The following COPB1 variants were observed in gnomAD, a reference collection of about 807,000 sequenced individuals.
The protein encoded by COPB1 is coatomer subunit beta.
COPB1 carries 21 observed loss-of-function variants against 108.7 expected under a neutral mutation model. The observed-to-expected ratio is 0.19, with a 90% confidence interval of 0.14 to 0.28. The LOEUF is 0.28. Among genes scored for constraint, COPB1 ranks in the 10% least tolerant of loss-of-function variants. The probability of loss-of-function intolerance (pLI) is 1.00; values close to 1 mark genes in which losing one functional copy is unlikely to be tolerated. For missense variants in COPB1, 919 were observed against 1,141.3 expected, an observed-to-expected ratio of 0.81 and a Z score of 2.81; for synonymous variants, 378 against 386.8, an observed-to-expected ratio of 0.98 and a Z score of 0.27.
At chr11:14,479,108 T>TGG (rs1850599592) in intron 11 of COPB1, among the ~76,000 whole-genome samples, 1 of 152,070 alleles carries the variant, frequency 6.6e-6, no homozygotes, top group African/African-American at 2.4e-5. Context: ...TCCTGAGACA[T>TGG]ATTTCAAGTC....
At chr11:14,462,445 G>T (rs974556275) in intron 18 of COPB1, among the ~76,000 whole-genome samples, 39 of 152,158 alleles carry the variant, frequency 2.6e-4, no homozygotes, top group African/African-American at 8.7e-4. Context: ...TCTTGGCCAG[G>T]CTGGTCTTGA....
chr11:14,490,664 A>T lies in COPB1; in HGVS notation c.507T>A (p.Leu169=), dbSNP rs1232389082. Residue 169 remains leucine (L), a synonymous_variant, in exon 5 of 22, where the codon CTT becomes CTA. Transcript: ENST00000439561. ...GTATCAGTTCAGGAGCATCAGGTAT[A>T]AGATGTTCAAAATTTCTTTAAATAA... The part of the protein sequence containing the change: ...IYTIYRNFEH[L]IPDAPELIHD... The T allele has an allele frequency of 6.2e-7, 1 of 1,600,752 alleles. No homozygotes were observed. Among genetic ancestry groups the T allele is most frequent in the Non-Finnish European group, 8.5e-7 (1 of 1,174,400 alleles).
chr11:14,486,234 A>G, intron 7 of COPB1, 133 bp downstream of exon 7: 2 of 1,069,208 alleles, frequency 1.9e-6, no homozygotes, highest in Non-Finnish European at 2.7e-6. Flanking sequence ...GTAAGGCATC[A>G]AATAATTTTA....
At chr11:14,487,850 T>C (rs1850811856) in intron 6 of COPB1, among the ~76,000 whole-genome samples, 1 of 152,162 alleles carries the variant, frequency 6.6e-6, no homozygotes, top group South Asian at 2.1e-4. Context: ...GACCATACTA[T>C]CATATTTAAT....
At chr11:14,492,790 C>G (rs1026298109) in intron 4 of COPB1, among the ~76,000 whole-genome samples, 1 of 152,138 alleles carries the variant, frequency 6.6e-6, no homozygotes, top group Non-Finnish European at 1.5e-5. Context: ...AAATTGATAC[C>G]TGTGACTGTA....
chr11:14,496,457 C>G (rs1210804317), intron 2 of COPB1, among the ~76,000 whole-genome samples: 1 of 151,562 alleles, frequency 6.6e-6, no homozygotes, highest in Non-Finnish European at 1.5e-5. Flanking sequence ...TTTACAATAC[C>G]CACAGATAAA....
chr11:14,473,859 AAT>A (rs958187568), intron 14 of COPB1, among the ~76,000 whole-genome samples: 5 of 150,858 alleles, frequency 3.3e-5, no homozygotes, highest in African/African-American at 1.2e-4. Flanking sequence ...AAAAAAAAGC[AAT>A]ATGTGCAAAG....
intron 7 of COPB1, 101 bp downstream of exon 7, chr11:14,486,266 T>C (rs775872239): frequency 4.4e-6 from 6 of 1,350,144 alleles, no homozygotes; most frequent in Non-Finnish European, 6.2e-6. Context: ...TTATTCTCTC[T>C]GTGCCATGTA....
At position 14,472,964 on chromosome 11, in the gene COPB1, C is replaced by T. The variant is rs1167193747; in HGVS notation, c.1737+1531G>A. On this transcript the variant is annotated intron_variant, in intron 14 of 21. Coordinates refer to ENST00000439561, the MANE Select transcript of COPB1 (RefSeq NM_001144061.2). ...CTTTCTATCAGCAATAAAGCTATTT[C>T]GCTTTCTTTCTTCTTCTTTTTTTTC... is the stretch of plus-strand genomic sequence containing the variant. Among the ~76,000 whole-genome samples the T allele has an allele frequency of 3.3e-5, 5 of 152,142 alleles. No homozygotes were observed. In the East Asian group the frequency reaches 5.8e-4, roughly 18 times the overall value.
intron 6 of COPB1, among the ~76,000 whole-genome samples, chr11:14,486,971 T>G (rs1314144521): frequency 6.6e-6 from 1 of 152,202 alleles, no homozygotes; most frequent in African/African-American, 2.4e-5. Context: ...TGGTCCTAAA[T>G]GTTTATTCTG....
In COPB1 at chr11:14,488,453, G is replaced by A. The variant is rs771102823; in HGVS notation, c.699+39C>T. On this transcript the variant is annotated intron_variant, in intron 6 of 21. Transcript: ENST00000439561. ...AAAGTATTTAACCCTGTCTTAAACT[G>A]CTGAGTTTATTTTACTCATCATAGA... 13 of 1,313,098 alleles carry A rather than the reference G, an allele frequency of 9.9e-6. No homozygotes were observed. The South Asian group carries it at 1.7e-4, about 18-fold the overall frequency. 81.3% of individuals were successfully genotyped at this position (1,313,098 alleles called of 1,614,324 possible). A position where few individuals can be genotyped will look rare whatever the true frequency, so the allele number is the denominator to read the frequency against.
intron 12 of COPB1, 46 bp from the exon 13 acceptor site, chr11:14,475,991 A>C (rs538201410): frequency 6.9e-7 from 1 of 1,448,202 alleles, no homozygotes; most frequent in Non-Finnish European, 9.3e-7. Flanking sequence ...TATCAACAGC[A>C]AGCAAAATTA....
intron 4 of COPB1, 117 bp downstream of exon 4, chr11:14,493,525 G>A (rs531797162): frequency 2.3e-5 from 19 of 813,568 alleles, no homozygotes; most frequent in Non-Finnish European, 3.3e-5. Context: ...TACAGTGCTG[G>A]CCATACAAAA....
chr11:14,464,216 T>C (rs1031748471), intron 18 of COPB1, among the ~76,000 whole-genome samples: 5 of 152,196 alleles, frequency 3.3e-5, no homozygotes, highest in East Asian at 1.9e-4. Flanking sequence ...TACTGAGCAC[T>C]TGCTCCTCCA....
chr11:14,464,221 C>A (rs987591315), intron 18 of COPB1, among the ~76,000 whole-genome samples: 1 of 152,300 alleles, frequency 6.6e-6, no homozygotes, highest in Admixed American at 6.5e-5. Flanking sequence ...AGCACTTGCT[C>A]CTCCATGAAG....
intron 13 of COPB1, 60 bp downstream of exon 13, chr11:14,475,725 T>C: frequency 7.2e-7 from 1 of 1,397,016 alleles, no homozygotes; most frequent in Admixed American, 2.7e-5. Flanking sequence ...TTGACTGTCT[T>C]ACATACAAGA....
intron 16 of COPB1, 73 bp downstream of exon 16, chr11:14,468,607 TA>T: frequency 7.1e-7 from 1 of 1,398,882 alleles, no homozygotes; most frequent in South Asian, 1.3e-5. Flanking sequence ...ATCTTTCTTT[TA>T]AAAATAGCAG....
chr11:14,476,658 G>T (rs1850526494), intron 12 of COPB1, among the ~76,000 whole-genome samples: 2 of 151,494 alleles, frequency 1.3e-5, no homozygotes. Context: ...TTAGGATGAA[G>T]AATACTGTCA....
At chr11:14,468,435 T>C (rs1850329347) in intron 16 of COPB1, among the ~76,000 whole-genome samples, 1 of 152,196 alleles carries the variant, frequency 6.6e-6, no homozygotes, top group African/African-American at 2.4e-5. Flanking sequence ...TCCCCTTCCC[T>C]CAACTTCTAT....
Sources: gnomAD v4.1 joint callset for allele counts (sites outside exome capture counted in the v4.1 genomes callset) on GRCh38, gnomAD v4.1.1 for gene constraint, MANE v1.5 for transcripts, NCBI Gene and HGNC (gene_info 2026-07-23, HGNC 2026-07-21) for gene names.